Variants in SCAPER observed in about 807,000 individuals in gnomAD.
SCAPER encodes the protein S-phase cyclin A associated protein in the ER, also known as S phase cyclin A-associated protein in the endoplasmic reticulum.
A neutral mutation model predicts 182.2 loss-of-function variants in SCAPER; 98 were observed. The observed-to-expected ratio is 0.54, with a 90% confidence interval of 0.46 to 0.64. SCAPER has a LOEUF of 0.64. SCAPER is among the 30% of genes least tolerant of loss of function. The pLI, the probability that SCAPER is intolerant of heterozygous loss-of-function variation, is 0.00. For synonymous variants in SCAPER, 605 were observed against 564.6 expected (o/e 1.07, Z -1.01); for missense variants, 1,432 against 1,690.0 (o/e 0.85, Z 2.68).
chr15:76,459,772 C>T (rs2049016887), intron 25 of SCAPER, among the ~76,000 whole-genome samples: 1 of 151,974 alleles, frequency 6.6e-6, no homozygotes, highest in African/African-American at 2.4e-5. Flanking sequence ...CAGAGTTTCC[C>T]TTATGTTTTC....
chr15:76,702,717 G>T, intron 19 of SCAPER, 133 bp downstream of exon 19: 1 of 1,026,558 alleles, frequency 9.7e-7, no homozygotes, highest in Non-Finnish European at 1.4e-6. Context: ...CTAAAGTGCT[G>T]AAATTACAGG....
intron 24 of SCAPER, among the ~76,000 whole-genome samples, chr15:76,494,835 G>A (rs538216994): frequency 9.2e-5 from 14 of 152,096 alleles, no homozygotes; most frequent in Non-Finnish European, 1.9e-4. Context: ...ACTCATCACA[G>A]AAGAAATTCA....
At chr15:76,376,751 A>G (rs2042598507) in intron 28 of SCAPER, among the ~76,000 whole-genome samples, 2 of 152,324 alleles carry the variant, frequency 1.3e-5, no homozygotes, top group South Asian at 4.1e-4. Flanking sequence ...AGTTAAACAT[A>G]TATTTCTAAT....
intron 5 of SCAPER, among the ~76,000 whole-genome samples, chr15:76,833,801 G>A (rs1225123687): frequency 6.6e-6 from 1 of 152,128 alleles, no homozygotes; most frequent in African/African-American, 2.4e-5. Context: ...AATTCAACAA[G>A]AAGATTTAAC....
At chr15:76,607,599 T>A (rs1035687071) in intron 22 of SCAPER, among the ~76,000 whole-genome samples, 3 of 152,218 alleles carry the variant, frequency 2.0e-5, no homozygotes, top group African/African-American at 4.8e-5. Context: ...CTGGATAATA[T>A]CCTGCAGAGT....
rs574305567 is a variant in SCAPER, at chr15:76,588,995, T to C, written c.2712-14711A>G. 3.5e-4 allele frequency among the ~76,000 whole-genome samples: 53 copies of C among 152,184 alleles called. 1 individual carries two copies. In the South Asian group the frequency reaches 0.011, roughly 30 times the overall value. ...ATGTGGCTTCCCGAGAGCTGAACTG[T>C]AGTGATTGTTCTCTTCTGGATCTAG... On this transcript the variant is annotated intron_variant, in intron 22 of 31. Coordinates refer to ENST00000563290, the MANE Select transcript of SCAPER (RefSeq NM_020843.4).
intron 20 of SCAPER, among the ~76,000 whole-genome samples, chr15:76,667,659 A>G (rs2056706120): frequency 7.8e-6 from 1 of 128,536 alleles, no homozygotes; most frequent in Non-Finnish European, 1.6e-5. Context: ...AAAAAAAAAA[A>G]AAACGCTCCT....
chr15:76,486,063 T>C lies in SCAPER; in HGVS notation c.2955-14728A>G, dbSNP rs867091609. 1.3e-4 allele frequency among the ~76,000 whole-genome samples: 20 copies of C among 152,018 alleles called. No homozygotes were observed. In the Middle Eastern group the frequency reaches 0.021, roughly 156 times the overall value. ...TCTACCAAAAATACAAAAAATTAGC[T>C]GGGCATGGTGGTGAGCACCTGTAGT... On this transcript the variant is annotated intron_variant, in intron 24 of 31. Transcript: ENST00000563290.
At chr15:76,848,860 C>G (rs1291547905) in intron 4 of SCAPER, among the ~76,000 whole-genome samples, 1 of 152,056 alleles carries the variant, frequency 6.6e-6, no homozygotes, top group Non-Finnish European at 1.5e-5. Flanking sequence ...CCCACCCCTA[C>G]TCTTCACTAG....
intron 7 of SCAPER, among the ~76,000 whole-genome samples, chr15:76,797,930 CA>C (rs57473563): frequency 2.0e-4 from 29 of 144,212 alleles, no homozygotes; most frequent in South Asian, 2.2e-4. Context: ...ACTTTTCAAC[CA>C]AAAAAAAAAA....
intron 16 of SCAPER, among the ~76,000 whole-genome samples, chr15:76,729,242 C>CAT (rs751781396): frequency 7.1e-4 from 106 of 149,982 alleles, no homozygotes; most frequent in South Asian, 1.7e-3. Flanking sequence ...TTAATAAACT[C>CAT]ATATATATAT....
At chr15:76,386,002 T>G (rs1479319650) in intron 27 of SCAPER, among the ~76,000 whole-genome samples, 1 of 152,244 alleles carries the variant, frequency 6.6e-6, no homozygotes, top group African/African-American at 2.4e-5. Flanking sequence ...GTGTTCCTTT[T>G]GGAGGATCCA....
At chr15:76,533,087 A>G (rs964223798) in intron 23 of SCAPER, among the ~76,000 whole-genome samples, 1 of 152,238 alleles carries the variant, frequency 6.6e-6, no homozygotes, top group Non-Finnish European at 1.5e-5. Flanking sequence ...GTAGCTGGGC[A>G]AGGATGTTAA....
intron 23 of SCAPER, among the ~76,000 whole-genome samples, chr15:76,539,508 T>C (rs2044526273): frequency 6.6e-6 from 1 of 152,106 alleles, no homozygotes; most frequent in African/African-American, 2.4e-5. Context: ...TTTTGGCTAC[T>C]TTTTAACACA....
At chr15:76,409,852 A>G (rs2045151960) in intron 26 of SCAPER, among the ~76,000 whole-genome samples, 3 of 151,954 alleles carry the variant, frequency 2.0e-5, no homozygotes, top group Admixed American at 2.0e-4. Flanking sequence ...CCCAGGCTGG[A>G]GTATAGTGAT....
At chr15:76,728,444 G>T in intron 17 of SCAPER, 151 bp downstream of exon 17, 1 of 929,648 alleles carries the variant, frequency 1.1e-6, no homozygotes, top group South Asian at 1.7e-5. Context: ...TGAGGTGGGA[G>T]GATCACTTGA....
At chr15:76,713,797 T>TA (rs966364882) in intron 17 of SCAPER, among the ~76,000 whole-genome samples, 5 of 151,894 alleles carry the variant, frequency 3.3e-5, no homozygotes, top group Admixed American at 2.0e-4. Context: ...AAATAAATTT[T>TA]AAAAAAAGTA....
At chr15:76,586,459 T>C (rs576051929) in intron 22 of SCAPER, among the ~76,000 whole-genome samples, 14 of 152,158 alleles carry the variant, frequency 9.2e-5, no homozygotes, top group Non-Finnish European at 2.1e-4. Context: ...TTTCTTTTAC[T>C]GAGAAAAGAT....
chr15:76,834,491 A>G lies in SCAPER; in HGVS notation c.393+7243T>C, dbSNP rs1249753593. 2.6e-5 allele frequency among the ~76,000 whole-genome samples: 4 copies of G among 152,160 alleles called. 1 individual carries two copies. On this transcript the variant is annotated intron_variant, in intron 5 of 31. Coordinates refer to ENST00000563290, the MANE Select transcript of SCAPER (RefSeq NM_020843.4). ...AACCCCAAAACTAGCAAAAGAAAAT[A>G]AATAACCAAACTCCGAGCTGAACTG... is the stretch of plus-strand genomic sequence containing the variant.
Sources: gnomAD v4.1 joint callset for allele counts (sites outside exome capture counted in the v4.1 genomes callset) on GRCh38, gnomAD v4.1.1 for gene constraint, MANE v1.5 for transcripts, NCBI Gene and HGNC (gene_info 2026-07-23, HGNC 2026-07-21) for gene names.